OPTN: variants seen among roughly 807,000 people sequenced by gnomAD.
OPTN encodes the protein optineurin.
In OPTN, 54 loss-of-function variants were observed where a neutral mutation model predicts 70.4. That is an observed-to-expected ratio of 0.77 (90% CI 0.62 to 0.96). The LOEUF is 0.96. OPTN is among the 40% of genes least tolerant of loss of function. OPTN has a pLI of 0.00. For missense variants in OPTN, 624 were observed against 673.2 expected (o/e 0.93, Z 0.81); for synonymous variants, 256 against 248.5 (o/e 1.03, Z -0.28).
chr10:13,137,661 G>GTGTA lies in OPTN; in HGVS notation c.*799_*802dup. On this transcript the variant is annotated 3_prime_UTR_variant, in exon 15 of 15. Coordinates refer to ENST00000378747, the MANE Select transcript of OPTN (RefSeq NM_001008212.2). ...AAAATGGATCTGTTGGAGGTTATGTGTGTATGTTGTAGTTTTATTGCAGCC... is the reference window on the plus strand; with the variant it reads ...AAAATGGATCTGTTGGAGGTTATGTGTGTATGTATGTTGTAGTTTTATTGCAGCC... 4.3e-6 allele frequency: 1 copy of GTGTA among 231,622 alleles called. No individual in the cohort carries two copies. Among genetic ancestry groups the GTGTA allele is most frequent in the Middle Eastern group, 1.3e-3 (1 of 770 alleles). 14.3% of individuals were successfully genotyped at this position (231,622 alleles called of 1,614,324 possible). A position where few individuals can be genotyped will look rare whatever the true frequency, so the allele number is the denominator to read the frequency against.
Position 13,136,987 on chromosome 10 carries a change from GA to G in OPTN, c.*124del, listed in dbSNP as rs1157281460. The G allele has an allele frequency of 8.8e-6, 12 of 1,366,318 alleles. No individual in the cohort carries two copies. Among genetic ancestry groups the G allele is most frequent in the African/African-American group, 1.4e-5 (1 of 70,026 alleles). 84.6% of individuals were successfully genotyped at this position (1,366,318 alleles called of 1,614,324 possible). A position where few individuals can be genotyped will look rare whatever the true frequency, so the allele number is the denominator to read the frequency against. ...TTGCCTCATTATTCTTGTTTTAAAAGAAAGAAAACAGGCCGGGCACAGTGGC... is the reference window on the plus strand; with the variant it reads ...TTGCCTCATTATTCTTGTTTTAAAAGAAGAAAACAGGCCGGGCACAGTGGC... On this transcript the variant is annotated 3_prime_UTR_variant, in exon 15 of 15. Transcript: ENST00000378747.
intron 5 of OPTN, among the ~76,000 whole-genome samples, chr10:13,114,802 AC>A (rs1195905052): frequency 2.2e-3 from 16 of 7,300 alleles, no homozygotes; most frequent in Non-Finnish European, 6.9e-3. Flanking sequence ...AATTATATAT[AC>A]ATATATATAA....
At chr10:13,123,705 C>G (rs1390660782) in intron 8 of OPTN, among the ~76,000 whole-genome samples, 4 of 152,170 alleles carry the variant, frequency 2.6e-5, no homozygotes, top group African/African-American at 7.2e-5. Context: ...GATCTCTGAA[C>G]CTGGAATAGG....
At chr10:13,112,377 G>C (rs1833026964) in intron 4 of OPTN, 76 bp from the exon 5 acceptor site, 1 of 1,413,846 alleles carries the variant, frequency 7.1e-7, no homozygotes, top group East Asian at 2.3e-5. Flanking sequence ...CCAGAGCTCT[G>C]CGATTAAGGG....
At chr10:13,120,123 C>T (rs1371739219) in intron 7 of OPTN, among the ~76,000 whole-genome samples, 1 of 151,538 alleles carries the variant, frequency 6.6e-6, no homozygotes, top group East Asian at 1.9e-4. Context: ...GCCGGGACTA[C>T]AGGCGCCCGC....
At chr10:13,114,731 TGTAGA>T (rs1833084553) in intron 5 of OPTN, among the ~76,000 whole-genome samples, 1 of 134,794 alleles carries the variant, frequency 7.4e-6, no homozygotes, top group Admixed American at 8.1e-5. Context: ...TAATATATAA[TGTAGA>T]ATATATTCTA....
rs1564358822 is a variant in OPTN, at chr10:13,114,806, A to ATATAAT, written c.553-1457_553-1456insATTATA. Among the ~76,000 whole-genome samples, 25 of 19,788 alleles carry ATATAAT rather than the reference A, an allele frequency of 1.3e-3. 2 individuals carry two copies. Among genetic ancestry groups the ATATAAT allele is most frequent in the South Asian group, 5.0e-3 (4 of 806 alleles). The allele number at this position is 19,788 out of a possible 152,430, so 13.0% of individuals were successfully genotyped here. On this transcript the variant is annotated intron_variant, in intron 5 of 14. Transcript: ENST00000378747. ...TATAATTATATAATTATATATACATATATATAATTATATAATTATATAATT... is the reference window on the plus strand; with the variant it reads ...TATAATTATATAATTATATATACATATATAATTATATAATTATATAATTATATAATT...
chr10:13,137,339 G>T lies in OPTN; in HGVS notation c.*473G>T. The T allele has an allele frequency of 3.3e-6, 1 of 300,064 alleles. No homozygotes were observed. Among genetic ancestry groups the T allele is most frequent in the Non-Finnish European group, 6.3e-6 (1 of 158,046 alleles). 18.6% of individuals were successfully genotyped at this position (300,064 alleles called of 1,614,324 possible). A position where few individuals can be genotyped will look rare whatever the true frequency, so the allele number is the denominator to read the frequency against. ...GAAGGAAGGAGAAGAAAAGGTACCT[G>T]TTCTACGTAGAACACCTTTGGTGGA... On this transcript the variant is annotated 3_prime_UTR_variant, in exon 15 of 15. Transcript: ENST00000378747.
chr10:13,133,598 C>A lies in OPTN; in HGVS notation c.1612+17C>A, dbSNP rs767328211. On this transcript the variant is annotated intron_variant, in intron 14 of 14. Transcript: ENST00000378747. ...TTCAAAGAGGTGAGTCCCGTGTGAT[C>A]CTGGATTTTCAGGAAATAGCTATCC... The A allele has an allele frequency of 3.7e-6, 6 of 1,609,316 alleles. No homozygotes were observed. The highest frequency in any genetic ancestry group is 5.1e-6 in the Non-Finnish European group (6 of 1,175,698).
rs1472070658 is a variant in OPTN at position 13,132,194 on chromosome 10, G to A, written c.1529G>A (p.Gly510Asp). The A allele has an allele frequency of 6.2e-7, 1 of 1,612,164 alleles. No individual in the cohort carries two copies. ...LKENDAFEDG[G>D]RQSLMEMQSR... ...GAGAATGATGCTTTCGAAGACGGAG[G>A]CAGGTAAGGAAAAGAGAGAGGAGGA... Residue 510 changes from glycine to aspartate, a missense_variant, in exon 13 of 15, where the codon GGC (glycine) becomes GAC (aspartate). Physicochemically the swap from Gly to Asp is moderately conservative, Grantham distance 94. Transcript: ENST00000378747.
intron 12 of OPTN, among the ~76,000 whole-genome samples, chr10:13,129,035 C>A (rs1833534550): frequency 6.6e-6 from 1 of 152,080 alleles, no homozygotes. Context: ...ACTTTTACTA[C>A]CCCAAGGCCA....
rs1564358620 is a variant in OPTN, at chr10:13,114,764, ATATAAT to A, written c.553-1498_553-1493del. Among the ~76,000 whole-genome samples, 84 of 92,854 alleles carry A rather than the reference ATATAAT, an allele frequency of 9.0e-4. 7 individuals are homozygous for A. The highest frequency in any genetic ancestry group is 3.7e-3 in the African/African-American group (78 of 20,880). 60.9% of individuals were successfully genotyped at this position (92,854 alleles called of 152,430 possible). A position where few individuals can be genotyped will look rare whatever the true frequency, so the allele number is the denominator to read the frequency against. Reference sequence around the variant, plus strand: ...ATATTCTACAATTATATAATTGCATATATAATTATATAATTATATAATTATATAATT... The same window carrying A: ...ATATTCTACAATTATATAATTGCATATATATAATTATATAATTATATAATT... On this transcript the variant is annotated intron_variant, in intron 5 of 14. Coordinates refer to ENST00000378747, the MANE Select transcript of OPTN (RefSeq NM_001008212.2).
In OPTN at chr10:13,115,002, TA is replaced by T. The variant is rs1564359146; in HGVS notation, c.553-1264del. ...ATATAGATATATCTATATTTATATA[TA>T]TTTATATATATAGATATATCTATAT... On this transcript the variant is annotated intron_variant, in intron 5 of 14. Transcript: ENST00000378747. Among the ~76,000 whole-genome samples, 47 of 74,654 alleles carry T rather than the reference TA, an allele frequency of 6.3e-4. 1 individual carries two copies. The highest frequency in any genetic ancestry group is 2.1e-3 in the African/African-American group (37 of 17,706). The allele number at this position is 74,654 out of a possible 152,430, so 49.0% of individuals were successfully genotyped here.
rs184561087 is a variant in OPTN, at chr10:13,110,394, G to T, written c.287G>T (p.Arg96Leu). Residue 96 changes from arginine to leucine, a missense_variant, in exon 4 of 15, where the codon CGT becomes CTT. Arg to Leu is a moderately radical substitution (Grantham distance 102). Coordinates refer to ENST00000378747, the MANE Select transcript of OPTN (RefSeq NM_001008212.2). ...ATACAGAGCAAAGAAGCAAAAGAGC[G>T]TCTAATGGCCTTGAGTCATGAGAAT... is the stretch of plus-strand genomic sequence containing the variant. ...FEIQSKEAKE[R>L]LMALSHENEK... The T allele has an allele frequency of 8.1e-6, 13 of 1,614,110 alleles. No homozygotes were observed. Among genetic ancestry groups the T allele is most frequent in the Admixed American group, 1.7e-5 (1 of 60,018 alleles).
intron 4 of OPTN, among the ~76,000 whole-genome samples, chr10:13,111,195 G>T (rs1444947838): frequency 6.6e-6 from 1 of 152,130 alleles, no homozygotes; most frequent in African/African-American, 2.4e-5. Flanking sequence ...AGGAGGTTGG[G>T]TGGTGGGAAC....
chr10:13,133,339 C>T (rs1334970834), intron 13 of OPTN, among the ~76,000 whole-genome samples, 163 bp from the exon 14 acceptor site: 1 of 152,128 alleles, frequency 6.6e-6, no homozygotes, highest in African/African-American at 2.4e-5. Flanking sequence ...TCACTAGTCT[C>T]CTAGTGCCAA....
chr10:13,111,854 T>TTG (rs1833008776), intron 4 of OPTN, among the ~76,000 whole-genome samples: 2 of 140,194 alleles, frequency 1.4e-5, no homozygotes, highest in South Asian at 4.8e-4. Flanking sequence ...GTTTTTTTTT[T>TTG]TTTTTTTTTT....
chr10:13,115,478 T>G (rs1442626067), intron 5 of OPTN, among the ~76,000 whole-genome samples: 2 of 101,400 alleles, frequency 2.0e-5, no homozygotes, highest in Non-Finnish European at 3.3e-5. Context: ...AGAATATATA[T>G]AATATATTCT....
At chr10:13,125,846 A>T (rs1728611702) in intron 10 of OPTN, 100 bp from the exon 11 acceptor site, 1 of 909,240 alleles carries the variant, frequency 1.1e-6, no homozygotes, top group South Asian at 1.4e-5. Flanking sequence ...GGTAGGCGAG[A>T]AGATTTTTCT....
Sources: allele counts gnomAD v4.1 joint callset (sites outside exome capture counted in the v4.1 genomes callset), GRCh38; gene constraint gnomAD v4.1.1; transcripts MANE v1.5; gene names NCBI Gene and HGNC (gene_info 2026-07-23, HGNC 2026-07-21).